RMDN2: variants seen among roughly 807,000 people sequenced by gnomAD.
RMDN2 encodes the protein regulator of microtubule dynamics 2, also known as regulator of microtubule dynamics protein 2.
Under a neutral mutation model 52.8 loss-of-function variants are expected in RMDN2, and 61 were observed. The ratio of observed to expected loss-of-function variants is 1.16; its 90% CI spans 0.94 to 1.43. The LOEUF (loss-of-function observed/expected upper bound fraction) is 1.43. Among genes scored for constraint, RMDN2 ranks in the 40% most tolerant of loss-of-function variants. The probability of loss-of-function intolerance (pLI) is 0.00; values close to 1 mark genes in which losing one functional copy is unlikely to be tolerated. For synonymous variants in RMDN2, 180 were observed against 153.1 expected (o/e 1.18, Z -1.30); for missense variants, 592 against 475.3 (o/e 1.25, Z -2.28).
intron 10 of RMDN2, among the ~76,000 whole-genome samples, chr2:38,054,891 C>G (rs1681794693): frequency 6.6e-6 from 1 of 152,156 alleles, no homozygotes; most frequent in African/African-American, 2.4e-5. Context: ...GGGCTCTGCT[C>G]TCTCAAAAGG....
chr2:38,011,169 C>G (rs1433102777), intron 10 of RMDN2, among the ~76,000 whole-genome samples: 1 of 152,178 alleles, frequency 6.6e-6, no homozygotes, highest in African/African-American at 2.4e-5. Flanking sequence ...CAATTCACAG[C>G]AGGTGTGGCT....
intron 2 of RMDN2, among the ~76,000 whole-genome samples, chr2:37,949,524 C>G (rs142476979): frequency 1.2e-3 from 179 of 152,246 alleles, no homozygotes; most frequent in African/African-American, 4.2e-3. Flanking sequence ...GTCTCTAACC[C>G]ACGAATCTCA....
chr2:37,928,750 CTA>C (rs1411826526), intron 1 of RMDN2: 2 of 152,416 alleles, frequency 1.3e-5, no homozygotes, highest in Non-Finnish European at 2.9e-5. Flanking sequence ...ATGCAGTTTT[CTA>C]TATGTCTACT....
chr2:38,025,330 T>G (rs1337894312), intron 10 of RMDN2, among the ~76,000 whole-genome samples: 1 of 152,114 alleles, frequency 6.6e-6, no homozygotes, highest in Non-Finnish European at 1.5e-5. Context: ...TACACTGATC[T>G]TGCATCCTGC....
intron 8 of RMDN2, chr2:38,003,079 T>C (rs969779629): frequency 6.6e-6 from 1 of 152,252 alleles, no homozygotes; most frequent in African/African-American, 2.4e-5. Flanking sequence ...TACCTACTCA[T>C]GTCTACTACC....
At chr2:37,995,508 AC>A (rs1675423218) in intron 7 of RMDN2, among the ~76,000 whole-genome samples, 1 of 152,204 alleles carries the variant, frequency 6.6e-6, no homozygotes, top group South Asian at 2.1e-4. Context: ...ATAAAAATTG[AC>A]CAAATTATAA....
chr2:38,055,497 A>G (rs1224718989), intron 10 of RMDN2, among the ~76,000 whole-genome samples: 3 of 152,156 alleles, frequency 2.0e-5, no homozygotes, highest in Non-Finnish European at 4.4e-5. Context: ...CTCACTTTGG[A>G]GGAAAATCAG....
chr2:38,047,536 A>C (rs1285319776), intron 10 of RMDN2, among the ~76,000 whole-genome samples: 3 of 152,212 alleles, frequency 2.0e-5, no homozygotes, highest in Non-Finnish European at 4.4e-5. Flanking sequence ...CACAAAACAC[A>C]TATATGAGTT....
intron 2 of RMDN2, among the ~76,000 whole-genome samples, chr2:37,968,471 T>G (rs917700778): frequency 9.9e-5 from 15 of 151,022 alleles, no homozygotes; most frequent in Non-Finnish European, 2.1e-4. Context: ...AGAAAGTCTG[T>G]TGTTGTTTAC....
At chr2:38,013,402 T>G (rs931610659) in intron 10 of RMDN2, among the ~76,000 whole-genome samples, 16 of 152,216 alleles carry the variant, frequency 1.1e-4, no homozygotes, top group African/African-American at 3.9e-4. Flanking sequence ...ACAAACAGAC[T>G]CATAGACTAG....
At chr2:37,932,372 G>T (rs1278447501) in intron 2 of RMDN2, among the ~76,000 whole-genome samples, 2 of 151,868 alleles carry the variant, frequency 1.3e-5, no homozygotes, top group Non-Finnish European at 2.9e-5. Context: ...AGAGCACAGG[G>T]TTGGGGGTAA....
At chr2:38,063,974 T>TTG (rs771042417) in intron 10 of RMDN2, among the ~76,000 whole-genome samples, 1 of 150,970 alleles carries the variant, frequency 6.6e-6, no homozygotes, top group Non-Finnish European at 1.5e-5. Flanking sequence ...TGAATCCTGT[T>TTG]TGTGTGTGTG....
intron 10 of RMDN2, among the ~76,000 whole-genome samples, chr2:38,012,441 A>G (rs1174830192): frequency 6.6e-6 from 1 of 152,218 alleles, no homozygotes; most frequent in Non-Finnish European, 1.5e-5. Context: ...GTGTTGATAG[A>G]AAGAACCAAG....
intron 8 of RMDN2, among the ~76,000 whole-genome samples, chr2:37,999,702 C>T (rs923525257): frequency 6.6e-6 from 1 of 152,082 alleles, no homozygotes; most frequent in African/African-American, 2.4e-5. Flanking sequence ...GTCTGCAACC[C>T]CCGGGTCCTA....
chr2:37,961,376 T>C (rs1670214689), intron 2 of RMDN2, among the ~76,000 whole-genome samples: 1 of 152,082 alleles, frequency 6.6e-6, no homozygotes. Context: ...TCTTGGAAGC[T>C]TTGTTTGTTC....
intron 10 of RMDN2, among the ~76,000 whole-genome samples, chr2:38,038,273 C>T (rs1350645022): frequency 6.6e-6 from 1 of 152,150 alleles, no homozygotes; most frequent in African/African-American, 2.4e-5. Flanking sequence ...GCAAGGGGGA[C>T]GCGTTCAAGC....
intron 10 of RMDN2, among the ~76,000 whole-genome samples, chr2:38,006,739 A>G (rs1227463856): frequency 6.6e-6 from 1 of 152,136 alleles, no homozygotes; most frequent in Non-Finnish European, 1.5e-5. Flanking sequence ...TTCCAATACT[A>G]TGTTGAATAG....
chr2:37,963,317 CTTTTTTT>C (rs60052181), intron 2 of RMDN2: 1 of 115,580 alleles, frequency 8.7e-6, no homozygotes, highest in Non-Finnish European at 1.7e-5. Flanking sequence ...ACGTGAGTTT[CTTTTTTT>C]TTTTTTTTTT....
chr2:37,931,833 A>G (rs933976027), intron 2 of RMDN2, among the ~76,000 whole-genome samples: 1 of 152,210 alleles, frequency 6.6e-6, no homozygotes, highest in African/African-American at 2.4e-5. Flanking sequence ...ATGTCAGGAG[A>G]GACATTCCCT....
Sources: allele counts gnomAD v4.1 joint callset (sites outside exome capture counted in the v4.1 genomes callset), GRCh38; gene constraint gnomAD v4.1.1; transcripts MANE v1.5; gene names NCBI Gene and HGNC (gene_info 2026-07-23, HGNC 2026-07-21).